STK33: variants seen among roughly 807,000 people sequenced by gnomAD.
STK33 encodes serine/threonine kinase 33.
In STK33, 52 loss-of-function variants were observed where a neutral mutation model predicts 58.0. The observed-to-expected ratio is 0.90, with a 90% CI of 0.72 to 1.13. STK33 has a LOEUF of 1.13. Ranked by LOEUF, STK33 falls within the 50% of genes most tolerant of loss-of-function variation. STK33 has a pLI of 0.00. For synonymous variants in STK33, 215 were observed against 200.1 expected (o/e 1.07, Z -0.63); for missense variants, 630 against 604.2 (o/e 1.04, Z -0.45).
intron 15 of STK33, among the ~76,000 whole-genome samples, chr11:8,403,307 C>T (rs573144294): frequency 3.9e-5 from 6 of 152,186 alleles, no homozygotes; most frequent in African/African-American, 7.2e-5. Context: ...ATGATGAATT[C>T]GTACCTGAAA....
intron 1 of STK33, among the ~76,000 whole-genome samples, chr11:8,494,817 C>G (rs563623770): frequency 2.0e-5 from 3 of 152,310 alleles, no homozygotes; most frequent in South Asian, 4.1e-4. Flanking sequence ...TGATCTTTGA[C>G]AAACCTGACA....
intron 1 of STK33, among the ~76,000 whole-genome samples, chr11:8,481,345 CAAA>C (rs1341960086): frequency 6.6e-6 from 1 of 152,248 alleles, no homozygotes; most frequent in East Asian, 1.9e-4. Context: ...GAAACAACAA[CAAA>C]AACTACTCTG....
intron 14 of STK33, among the ~76,000 whole-genome samples, chr11:8,418,896 G>A (rs538406716): frequency 5.3e-5 from 8 of 151,960 alleles, no homozygotes; most frequent in Non-Finnish European, 7.4e-5. Context: ...GCCCCATCTT[G>A]AAAAGCGTCA....
intron 1 of STK33, among the ~76,000 whole-genome samples, chr11:8,584,668 C>T (rs2031153157): frequency 6.6e-6 from 1 of 152,122 alleles, no homozygotes; most frequent in Non-Finnish European, 1.5e-5. Flanking sequence ...TCTCCAACAG[C>T]TCTCTCTCTA....
the STK33 span, among the ~76,000 whole-genome samples, chr11:8,345,774 G>C: frequency 6.6e-6 from 1 of 152,244 alleles, no homozygotes; most frequent in Non-Finnish European, 1.5e-5. Flanking sequence ...GACCGAAGAG[G>C]ACAGGGGTGA....
intron 6 of STK33, among the ~76,000 whole-genome samples, chr11:8,468,962 CA>C (rs1161491440): frequency 2.8e-4 from 42 of 149,674 alleles, no homozygotes; most frequent in Admixed American, 2.3e-3. Context: ...TGCTGCATTG[CA>C]AAAAAAAATG....
At chr11:8,549,840 TTTTA>T (rs1184546032) in intron 1 of STK33, among the ~76,000 whole-genome samples, 1 of 152,222 alleles carries the variant, frequency 6.6e-6, no homozygotes, top group Non-Finnish European at 1.5e-5. Flanking sequence ...TCATCTCTGA[TTTTA>T]TTTATTTGGG....
At chr11:8,391,059 G>A (rs1011362760), downstream of STK33, among the ~76,000 whole-genome samples, 1 of 152,182 alleles carries the variant, frequency 6.6e-6, no homozygotes, top group Admixed American at 6.5e-5. Context: ...CGGAACTGCA[G>A]TGCACACATC....
chr11:8,455,578 G>A (rs1006705011), intron 9 of STK33, among the ~76,000 whole-genome samples: 1 of 152,120 alleles, frequency 6.6e-6, no homozygotes, highest in Non-Finnish European at 1.5e-5. Flanking sequence ...GGAGGCTGAG[G>A]CGGGCGGATC....
At chr11:8,585,350 G>A (rs1357373776) in intron 1 of STK33, among the ~76,000 whole-genome samples, 1 of 147,520 alleles carries the variant, frequency 6.8e-6, no homozygotes, top group Non-Finnish European at 1.5e-5. Context: ...TCAACCTCCT[G>A]AGTAGCTGGG....
chr11:8,343,237 C>T, the STK33 span, among the ~76,000 whole-genome samples: 1 of 152,232 alleles, frequency 6.6e-6, no homozygotes, highest in African/African-American at 2.4e-5. Context: ...GTGTGCTGTG[C>T]CCTGGGGCAG....
chr11:8,469,422 T>A (rs182685557), intron 6 of STK33, among the ~76,000 whole-genome samples: 5 of 152,354 alleles, frequency 3.3e-5, no homozygotes, highest in Admixed American at 3.3e-4. Flanking sequence ...CAGTCCCATC[T>A]TCAGGCTCCA....
chr11:8,498,381 G>A (rs941596992), intron 1 of STK33, among the ~76,000 whole-genome samples: 136 of 152,178 alleles, frequency 8.9e-4, no homozygotes, highest in African/African-American at 3.1e-3. Flanking sequence ...ACAACTTACA[G>A]GGGATGTGAA....
intron 1 of STK33, among the ~76,000 whole-genome samples, chr11:8,508,717 T>A (rs907301310): frequency 1.2e-4 from 19 of 152,140 alleles, no homozygotes; most frequent in Admixed American, 8.5e-4. Context: ...AATCGGGACA[T>A]GTGAGGAATT....
intron 1 of STK33, among the ~76,000 whole-genome samples, chr11:8,591,750 C>T (rs1457977107): frequency 6.6e-6 from 1 of 151,434 alleles, no homozygotes; most frequent in Non-Finnish European, 1.5e-5. Flanking sequence ...AAACCAAACA[C>T]TGCATATTCT....
the STK33 span, among the ~76,000 whole-genome samples, chr11:8,378,284 C>T: frequency 5.3e-5 from 8 of 152,150 alleles, no homozygotes; most frequent in African/African-American, 7.2e-5. Flanking sequence ...TTCGGGAGGC[C>T]GAGGTGGGTG....
chr11:8,584,201 C>T (rs1654052792), intron 1 of STK33, among the ~76,000 whole-genome samples: 2 of 151,688 alleles, frequency 1.3e-5, no homozygotes, highest in Non-Finnish European at 2.9e-5. Context: ...ATACTTGGAA[C>T]AACTCTCCAA....
At chr11:8,457,283 T>C in intron 9 of STK33, 58 bp downstream of exon 9, 1 of 1,419,504 alleles carries the variant, frequency 7.0e-7, no homozygotes, top group Non-Finnish European at 9.4e-7. Flanking sequence ...CAATTACCCT[T>C]AAACAAAAGT....
chr11:8,534,026 G>C (rs934639175), intron 1 of STK33, among the ~76,000 whole-genome samples: 2 of 152,150 alleles, frequency 1.3e-5, no homozygotes, highest in Non-Finnish European at 2.9e-5. Flanking sequence ...TGTAATTCCA[G>C]CACTTTGGGA....
Sources: gnomAD v4.1 joint callset for allele counts (sites outside exome capture counted in the v4.1 genomes callset) on GRCh38, gnomAD v4.1.1 for gene constraint, MANE v1.5 for transcripts, NCBI Gene and HGNC (gene_info 2026-07-23, HGNC 2026-07-21) for gene names.